Variants in BAZ2B observed in about 807,000 individuals in gnomAD.
The protein encoded by BAZ2B is bromodomain adjacent to zinc finger domain 2B.
BAZ2B carries 91 observed loss-of-function variants against 246.0 expected under a neutral mutation model. The observed-to-expected ratio is 0.37, with a 90% CI of 0.31 to 0.44. The LOEUF (loss-of-function observed/expected upper bound fraction) is 0.44, where lower values mean the gene tolerates loss of function less well. Among genes scored for constraint, BAZ2B ranks in the 20% least tolerant of loss-of-function variants. BAZ2B has a pLI of 1.00. For missense variants in BAZ2B, 2,332 were observed against 2,533.7 expected (o/e 0.92, Z 1.71); for synonymous variants, 855 against 860.0 (o/e 0.99, Z 0.10).
intron 13 of BAZ2B, among the ~76,000 whole-genome samples, chr2:159,415,444 CAA>C (rs66504722): frequency 5.3e-5 from 6 of 112,930 alleles, no homozygotes; most frequent in African/African-American, 1.3e-4. Flanking sequence ...GACTCCGTCT[CAA>C]AAAAAAAAAA....
At position 159,324,810 on chromosome 2, in the gene BAZ2B, C is replaced by T; in HGVS notation, c.6353+1G>A. On this transcript the variant is annotated splice_donor_variant, in intron 36 of 36. Transcript: ENST00000392783. LOFTEE classifies it high-confidence loss of function. ...TTAGTGAACTGAAATGATTTACTTA[C>T]TGTCCACTACTTAGTTTCTCTCTAA... The T allele has an allele frequency of 6.7e-7, 1 of 1,485,922 alleles. No homozygotes were observed. The highest frequency in any genetic ancestry group is 8.9e-7 in the Non-Finnish European group (1 of 1,122,462). 92.0% of individuals were successfully genotyped at this position (1,485,922 alleles called of 1,614,324 possible).
chr2:159,395,042 T>C (rs1029484246), intron 20 of BAZ2B, among the ~76,000 whole-genome samples: 1 of 152,142 alleles, frequency 6.6e-6, no homozygotes, highest in African/African-American at 2.4e-5. Context: ...TTCTCACTTA[T>C]TAAATGCTTA....
At chr2:159,686,892 A>G in the BAZ2B span, among the ~76,000 whole-genome samples, 1 of 151,826 alleles carries the variant, frequency 6.6e-6, no homozygotes, top group East Asian at 1.9e-4. Context: ...AATACAAAAA[A>G]TTAGCTGGGC....
At chr2:159,639,210 G>A in the BAZ2B span, among the ~76,000 whole-genome samples, 9 of 152,042 alleles carry the variant, frequency 5.9e-5, no homozygotes, top group Non-Finnish European at 1.5e-5. Flanking sequence ...AATCAGGAAG[G>A]ACAAATAAAG....
intron 1 of BAZ2B, among the ~76,000 whole-genome samples, chr2:159,610,469 T>C (rs1694474457): frequency 1.3e-5 from 2 of 152,198 alleles, no homozygotes; most frequent in Non-Finnish European, 1.5e-5. Flanking sequence ...CTTTGATTAA[T>C]GAGTGCATGT....
At chr2:159,627,465 C>A in the BAZ2B span, among the ~76,000 whole-genome samples, 1 of 152,036 alleles carries the variant, frequency 6.6e-6, no homozygotes. Flanking sequence ...AAAAGCTTAT[C>A]CACCACGATC....
chr2:159,627,453 CA>C, the BAZ2B span, among the ~76,000 whole-genome samples: 1 of 151,992 alleles, frequency 6.6e-6, no homozygotes, highest in African/African-American at 2.4e-5. Flanking sequence ...AGCAGCACAT[CA>C]AAAAGCTTAT....
chr2:159,692,768 T>C, the BAZ2B span, among the ~76,000 whole-genome samples: 1 of 152,206 alleles, frequency 6.6e-6, no homozygotes, highest in Admixed American at 6.5e-5. Context: ...AAGGGTCAAC[T>C]GTAAATCCCA....
In BAZ2B at chr2:159,501,226, T is replaced by TA. The variant is rs1425481273; in HGVS notation, c.-2-22506_-2-22505insT. 2.7e-3 allele frequency among the ~76,000 whole-genome samples: 300 copies of TA among 112,348 alleles called. 2 individuals carry two copies. Among genetic ancestry groups the TA allele is most frequent in the Non-Finnish European group, 4.2e-3 (235 of 55,954 alleles). The allele number at this position is 112,348 out of a possible 152,430, so 73.7% of individuals were successfully genotyped here. The stretch of plus-strand genomic sequence containing the variant: ...ATTTTTATATATATTATATATATAT[T>TA]TATATATATATATATAAAGTAGCTG... On this transcript the variant is annotated intron_variant, in intron 2 of 36. Transcript: ENST00000392783.
chr2:159,374,101 G>A (rs2061157033), intron 26 of BAZ2B, among the ~76,000 whole-genome samples: 1 of 146,228 alleles, frequency 6.8e-6, no homozygotes, highest in African/African-American at 2.5e-5. Context: ...TTAGAGACAG[G>A]GTCTCGCCAT....
intron 1 of BAZ2B, among the ~76,000 whole-genome samples, chr2:159,574,347 C>CA (rs201997231): frequency 6.6e-5 from 9 of 137,024 alleles, no homozygotes; most frequent in African/African-American, 2.0e-4. Flanking sequence ...AACAAACAAA[C>CA]AAACAAAACA....
chr2:159,457,046 ACT>A (rs2075862740), intron 3 of BAZ2B, among the ~76,000 whole-genome samples: 1 of 152,190 alleles, frequency 6.6e-6, no homozygotes, highest in African/African-American at 2.4e-5. Flanking sequence ...TAATTTTAAT[ACT>A]GTTTTTCTTC....
chr2:159,639,970 C>T, the BAZ2B span, among the ~76,000 whole-genome samples: 2 of 151,564 alleles, frequency 1.3e-5, no homozygotes, highest in Non-Finnish European at 2.9e-5. Context: ...ACACTTCACC[C>T]ATAAAGATAC....
intron 1 of BAZ2B, among the ~76,000 whole-genome samples, chr2:159,601,427 A>G (rs919832675): frequency 1.3e-4 from 5 of 39,008 alleles, no homozygotes; most frequent in Non-Finnish European, 3.6e-4. Context: ...CTGTCTCAAA[A>G]GAAAAAAAAA....
At chr2:159,709,469 A>C in the BAZ2B span, among the ~76,000 whole-genome samples, 1 of 152,256 alleles carries the variant, frequency 6.6e-6, no homozygotes, top group African/African-American at 2.4e-5. Context: ...TACTACCCAC[A>C]CAGAAGTCAT....
intron 34 of BAZ2B, among the ~76,000 whole-genome samples, chr2:159,329,529 A>G (rs959820535): frequency 4.6e-5 from 7 of 152,196 alleles, no homozygotes; most frequent in African/African-American, 1.7e-4. Flanking sequence ...ACATATATAC[A>G]TACATACACA....
chr2:159,667,213 T>C, the BAZ2B span, among the ~76,000 whole-genome samples: 11 of 151,966 alleles, frequency 7.2e-5, no homozygotes, highest in Non-Finnish European at 1.0e-4. Flanking sequence ...TTTAAGTTTA[T>C]AGTTAATTTT....
chr2:159,507,613 A>G (rs1041339824), intron 2 of BAZ2B, among the ~76,000 whole-genome samples: 1 of 152,170 alleles, frequency 6.6e-6, no homozygotes, highest in African/African-American at 2.4e-5. Flanking sequence ...TTTTCAATCA[A>G]TGCACTAAAA....
At chr2:159,619,046 T>A (rs1559919678), upstream of BAZ2B, among the ~76,000 whole-genome samples, 1 of 151,954 alleles carries the variant, frequency 6.6e-6, no homozygotes, top group Non-Finnish European at 1.5e-5. Context: ...TGAAAAAAAA[T>A]AATTTAAAGT....
Sources: allele counts gnomAD v4.1 joint callset (sites outside exome capture counted in the v4.1 genomes callset), GRCh38; gene constraint gnomAD v4.1.1; transcripts MANE v1.5; gene names NCBI Gene and HGNC (gene_info 2026-07-23, HGNC 2026-07-21).